The following TBCD variants were observed in gnomAD, a reference collection of about 807,000 sequenced individuals.
TBCD encodes the protein tubulin-specific chaperone D.
TBCD carries 105 observed loss-of-function variants against 169.3 expected under a neutral mutation model. The observed-to-expected ratio is 0.62, with a 90% CI of 0.53 to 0.73. TBCD has a LOEUF of 0.73. Ranked by LOEUF, TBCD falls within the 30% of genes least tolerant of loss-of-function variation. The pLI, the probability that TBCD is intolerant of heterozygous loss-of-function variation, is 0.00. For missense variants in TBCD, 1,444 were observed against 1,600.1 expected, an observed-to-expected ratio of 0.90 and a Z score of 1.66; for synonymous variants, 700 against 643.9, an observed-to-expected ratio of 1.09 and a Z score of -1.32.
chr17:82,757,966 T>C (rs1037745467), intron 2 of TBCD, among the ~76,000 whole-genome samples: 1 of 152,206 alleles, frequency 6.6e-6, no homozygotes, highest in Non-Finnish European at 1.5e-5. Flanking sequence ...AGTAACAACG[T>C]TGGACCTGTA....
chr17:82,809,562 G>A, intron 11 of TBCD, 146 bp from the exon 12 acceptor site: 2 of 779,326 alleles, frequency 2.6e-6, no homozygotes, highest in African/African-American at 1.7e-5. Context: ...GGGGCTCCAA[G>A]CAGGGTGCGG....
intron 14 of TBCD, among the ~76,000 whole-genome samples, chr17:82,879,593 G>A (rs1056018240): frequency 2.0e-5 from 3 of 152,124 alleles, no homozygotes; most frequent in Non-Finnish European, 2.9e-5. Context: ...GTGCTGGTCC[G>A]GGATGCAGAC....
intron 7 of TBCD, among the ~76,000 whole-genome samples, chr17:82,793,640 C>G (rs779611360): frequency 6.6e-6 from 1 of 152,116 alleles, no homozygotes; most frequent in Non-Finnish European, 1.5e-5. Flanking sequence ...CTGGTGGGCT[C>G]GCTGCAGCAC....
chr17:82,800,879 G>A lies in TBCD; in HGVS notation c.833G>A (p.Arg278Lys). 6.2e-7 allele frequency: 1 copy of A among 1,612,732 alleles called. No individual in the cohort carries two copies. Among genetic ancestry groups the A allele is most frequent in the Non-Finnish European group, 8.5e-7 (1 of 1,179,608 alleles). The change falls in exon 9 of 39, where the codon AGG (arginine) becomes AAG (lysine). Residue 278 changes from arginine to lysine, a missense_variant. By Grantham distance (26) the Arg-to-Lys change is conservative. Transcript: ENST00000355528. ...DCLPYAATVL[R>K]CLDGCRLPES... ...TTGTTTGCAGCTGCCACTGTCCTCA[G>A]GTGCCTCGATGGCTGCAGACTCCCT...
At chr17:82,803,125 C>G (rs182637042) in intron 9 of TBCD, among the ~76,000 whole-genome samples, 1 of 152,144 alleles carries the variant, frequency 6.6e-6, no homozygotes, top group Non-Finnish European at 1.5e-5. Context: ...TTGATGAGGA[C>G]GGACTTACGC....
rs115137344 is a variant in TBCD, at chr17:82,851,739, C to T, written c.1319-18485C>T. Among the ~76,000 whole-genome samples the T allele has an allele frequency of 7.4e-3, 1,127 of 152,322 alleles. 9 individuals are homozygous for T. Among genetic ancestry groups the T allele is most frequent in the African/African-American group, 0.026 (1,074 of 41,578 alleles). On this transcript the variant is annotated intron_variant, in intron 13 of 38. Coordinates refer to ENST00000355528, the MANE Select transcript of TBCD (RefSeq NM_005993.5). Reference sequence around the variant, plus strand: ...GCTGATGGGACCAATAAACGCGTGGCCGACGGGCAGAAAGCAGGAGCCTTA... The same window carrying T: ...GCTGATGGGACCAATAAACGCGTGGTCGACGGGCAGAAAGCAGGAGCCTTA...
At chr17:82,800,743 C>T in intron 8 of TBCD, 121 bp from the exon 9 acceptor site, 1 of 1,228,832 alleles carries the variant, frequency 8.1e-7, no homozygotes, top group Non-Finnish European at 1.1e-6. Context: ...TGATGGGGGT[C>T]TTGGTGATGT....
At chr17:82,788,590 C>G (rs945229595) in intron 7 of TBCD, among the ~76,000 whole-genome samples, 2 of 152,104 alleles carry the variant, frequency 1.3e-5, no homozygotes, top group Non-Finnish European at 2.9e-5. Context: ...CATTAAAAAC[C>G]AAGAAAGCCA....
At chr17:82,865,729 AT>A (rs1347611347) in intron 13 of TBCD, among the ~76,000 whole-genome samples, 1 of 152,326 alleles carries the variant, frequency 6.6e-6, no homozygotes, top group East Asian at 1.9e-4. Context: ...CTATATGATG[AT>A]TTTTTGTGGA....
rs76948795 is a variant in TBCD at position 82,944,529 on chromosome 17, G to C, written c.*2066G>C. On this transcript the variant is annotated 3_prime_UTR_variant, in exon 39 of 39. Transcript: ENST00000355528. Reference sequence around the variant, plus strand: ...GAATGGCATGTTGGGTGTTGACTCCGAGAAGGTGTTCAGAAAACCTCTCTG... The same window carrying C: ...GAATGGCATGTTGGGTGTTGACTCCCAGAAGGTGTTCAGAAAACCTCTCTG... 5.3e-5 allele frequency: 8 copies of C among 152,284 alleles called. No homozygotes were observed. Among genetic ancestry groups the C allele is most frequent in the African/African-American group, 1.9e-4 (8 of 41,460 alleles). The allele number at this position is 152,284 out of a possible 1,614,324, so 9.4% of individuals were successfully genotyped here.
Position 82,923,951 on chromosome 17 carries a change from C to T in TBCD, c.2260+218C>T, listed in dbSNP as rs959617184. On this transcript the variant is annotated intron_variant, in intron 26 of 38. Coordinates refer to ENST00000355528, the MANE Select transcript of TBCD (RefSeq NM_005993.5). This position sits in a 1 kb window ranked among gnomAD's most constrained non-coding sequence, Gnocchi z 4.6. ...TTGCATCAGCTCTGAACAGGTGGCT[C>T]AGCAGGGACGCGTCTCTGTTGACGG... Among the ~76,000 whole-genome samples, 3 of 152,126 alleles carry T rather than the reference C, an allele frequency of 2.0e-5. No homozygotes were observed. The highest frequency in any genetic ancestry group is 1.3e-4 in the Admixed American group (2 of 15,272).
chr17:82,830,416 G>C (rs746376234), intron 13 of TBCD: 5 of 1,611,578 alleles, frequency 3.1e-6, no homozygotes, highest in East Asian at 2.2e-5. Context: ...CACGGCTGCC[G>C]TCTGCTTCTG....
At chr17:82,846,956 G>A (rs1027598119) in intron 13 of TBCD, among the ~76,000 whole-genome samples, 3 of 152,354 alleles carry the variant, frequency 2.0e-5, no homozygotes, top group African/African-American at 7.2e-5. Context: ...CCCGCCATGT[G>A]CCTGTGGTCG....
intron 13 of TBCD, among the ~76,000 whole-genome samples, chr17:82,862,067 C>T (rs368703105): frequency 2.6e-5 from 4 of 152,122 alleles, no homozygotes; most frequent in South Asian, 4.2e-4. Context: ...GGACTACAGG[C>T]GCCCGCCACC....
rs1348171443 is a variant in TBCD at position 82,843,430 on chromosome 17, C to A, written c.1319-26794C>A. ...GCTTATATACCCTTCCTTTCCCCTCCCCATCCAGCTTACATACCCTTCCCT... is the reference window on the plus strand; with the variant it reads ...GCTTATATACCCTTCCTTTCCCCTCACCATCCAGCTTACATACCCTTCCCT... On this transcript the variant is annotated intron_variant, in intron 13 of 38. Transcript: ENST00000355528. Among the ~76,000 whole-genome samples, 11 of 135,142 alleles carry A rather than the reference C, an allele frequency of 8.1e-5. 1 individual carries two copies. Among genetic ancestry groups the A allele is most frequent in the African/African-American group, 2.3e-4 (8 of 34,382 alleles). 88.7% of individuals were successfully genotyped at this position (135,142 alleles called of 152,430 possible).
At position 82,781,576 on chromosome 17, in the gene TBCD, A is replaced by G; in HGVS notation, c.639-13A>G. 1 of 1,613,326 alleles carries G rather than the reference A, an allele frequency of 6.2e-7. No homozygotes were observed. The highest frequency in any genetic ancestry group is 8.5e-7 in the Non-Finnish European group (1 of 1,179,766). On this transcript the variant is annotated splice_polypyrimidine_tract_variant and intron_variant, in intron 6 of 38. Transcript: ENST00000355528. ...AGTGCTGAGGCCTTGGTTGAGCTGT[A>G]TCCTTTTGGCAGATTTATCACACGT...
chr17:82,776,687 A>G (rs2048620132), intron 6 of TBCD, among the ~76,000 whole-genome samples: 1 of 152,084 alleles, frequency 6.6e-6, no homozygotes, highest in Non-Finnish European at 1.5e-5. Context: ...GGGTTTGGTT[A>G]CAGACCCGTT....
intron 13 of TBCD, among the ~76,000 whole-genome samples, chr17:82,816,888 G>C (rs2051961797): frequency 6.8e-6 from 1 of 148,082 alleles, no homozygotes. Flanking sequence ...TAGTGAGTGT[G>C]AAGCGCCACC....
Position 82,904,842 on chromosome 17 carries a change from A to T in TBCD, c.1805-1094A>T, listed in dbSNP as rs956541860. Among the ~76,000 whole-genome samples the T allele has an allele frequency of 5.3e-5, 8 of 152,102 alleles. 1 individual carries two copies. Among genetic ancestry groups the T allele is most frequent in the Non-Finnish European group, 8.8e-5 (6 of 68,012 alleles). On this transcript the variant is annotated intron_variant, in intron 19 of 38. Transcript: ENST00000355528. The stretch of plus-strand genomic sequence containing the variant: ...TGGCGCTCCCCTACTTTTCAGTGAT[A>T]ATTAACCCTTGCTGACACTGAGGGG...
Sources: gnomAD v4.1 joint callset for allele counts (sites outside exome capture counted in the v4.1 genomes callset) on GRCh38, gnomAD v4.1.1 for gene constraint, Gnocchi (gnomAD v3.1) non-coding constraint, MANE v1.5 for transcripts, NCBI Gene and HGNC (gene_info 2026-07-23, HGNC 2026-07-21) for gene names.